GNAI2: variants seen among roughly 807,000 people sequenced by gnomAD.
GNAI2 encodes the protein G protein subunit alpha i2, also known as guanine nucleotide-binding protein G(i) subunit alpha-2.
Under a neutral mutation model 36.8 loss-of-function variants are expected in GNAI2, and 4 were observed. That is an observed-to-expected ratio of 0.11 (90% CI 0.05 to 0.25). The LOEUF is 0.25. Among genes scored for constraint, GNAI2 ranks in the 10% least tolerant of loss-of-function variants. The pLI is 1.00. For synonymous variants in GNAI2, 194 were observed against 194.1 expected, an observed-to-expected ratio of 1.00 and a Z score of 0.01; for missense variants, 230 against 481.3, an observed-to-expected ratio of 0.48 and a Z score of 4.89.
rs1700163120 is a variant in GNAI2 at position 50,236,234 on chromosome 3, C to T, written c.-102C>T. 5.0e-6 allele frequency: 6 copies of T among 1,192,900 alleles called. No individual in the cohort carries two copies. The highest frequency in any genetic ancestry group is 4.1e-5 in the South Asian group (1 of 24,594). The allele number at this position is 1,192,900 out of a possible 1,614,324, so 73.9% of individuals were successfully genotyped here. A position where few individuals can be genotyped will look rare whatever the true frequency, so the allele number is the denominator to read the frequency against. On this transcript the variant is annotated 5_prime_UTR_variant, in exon 1 of 9. Coordinates refer to ENST00000313601, the MANE Select transcript of GNAI2 (RefSeq NM_002070.4). The surrounding 1 kb of genome is among the most constrained non-coding windows in gnomAD (Gnocchi z 4.0). ...CTCGGAACTGCCGACCCGAGTGCTT[C>T]CCGCAGAGGGCTGGTGGTGGGAGCG...
intron 1 of GNAI2, among the ~76,000 whole-genome samples, chr3:50,247,661 A>G (rs1700454788): frequency 6.6e-6 from 1 of 152,236 alleles, no homozygotes; most frequent in African/African-American, 2.4e-5. Flanking sequence ...CAGATGTTCT[A>G]GTGCAGAGCA....
rs1700324060 is a variant in GNAI2, at chr3:50,242,699, G to A, written c.118+6246G>A. Among the ~76,000 whole-genome samples, 1 of 152,168 alleles carries A rather than the reference G, an allele frequency of 6.6e-6. No individual in the cohort carries two copies. The highest frequency in any genetic ancestry group is 2.1e-4 in the South Asian group (1 of 4,830). On this transcript the variant is annotated intron_variant, in intron 1 of 8. Coordinates refer to ENST00000313601, the MANE Select transcript of GNAI2 (RefSeq NM_002070.4). The surrounding 1 kb of genome is among the most constrained non-coding windows in gnomAD (Gnocchi z 4.8). The stretch of plus-strand genomic sequence containing the variant: ...ATCTTTCTGGAATAACCAAACATTT[G>A]CTGGGCTGGTTCTTCTGTGCCGGCC...
chr3:50,253,313 C>A lies in GNAI2; in HGVS notation c.464+129C>A, dbSNP rs1219004699. 9.1e-6 allele frequency: 6 copies of A among 657,718 alleles called. No individual in the cohort carries two copies. The highest frequency in any genetic ancestry group is 1.8e-5 in the African/African-American group (1 of 55,202). The allele number at this position is 657,718 out of a possible 1,614,324, so 40.7% of individuals were successfully genotyped here. On this transcript the variant is annotated intron_variant, in intron 4 of 8. Coordinates refer to ENST00000313601, the MANE Select transcript of GNAI2 (RefSeq NM_002070.4). The surrounding 1 kb of genome is among the most constrained non-coding windows in gnomAD (Gnocchi z 4.2). ...GCTTATGAAACCGATGACTGTTAAC[C>A]AAGGCCTTCCTGTTTTTTGGTTTGG...
intron 1 of GNAI2, among the ~76,000 whole-genome samples, chr3:50,249,010 G>A (rs1409813123): frequency 6.6e-6 from 1 of 152,048 alleles, no homozygotes; most frequent in Non-Finnish European, 1.5e-5. Context: ...ACTAAGAGTG[G>A]GCAAAAGGCC....
At chr3:50,232,785 G>C (rs1700091529), upstream of GNAI2, among the ~76,000 whole-genome samples, 1 of 152,080 alleles carries the variant, frequency 6.6e-6, no homozygotes, top group Non-Finnish European at 1.5e-5. Flanking sequence ...TAGGCTGGGA[G>C]ATAGTGGGGA....
At chr3:50,237,648 C>G (rs1700207363) in intron 1 of GNAI2, among the ~76,000 whole-genome samples, 1 of 152,142 alleles carries the variant, frequency 6.6e-6, no homozygotes, top group African/African-American at 2.4e-5. Context: ...GCCAGGGTGC[C>G]TCTGAGCATC....
chr3:50,257,791 T>TGGGTGGGGGGGGG, intron 8 of GNAI2, 77 bp downstream of exon 8: 1 of 99,318 alleles, frequency 1.0e-5, no homozygotes. Context: ...GTTCTGGGGG[T>TGGGTGGGGGGGGG]GGGTAGGGGG....
At chr3:50,257,151 G>A in intron 7 of GNAI2, 61 bp downstream of exon 7, 1 of 1,493,632 alleles carries the variant, frequency 6.7e-7, no homozygotes. Context: ...GTAGCCTATG[G>A]TGACCAGGTG....
chr3:50,237,649 T>C (rs756450446), intron 1 of GNAI2, among the ~76,000 whole-genome samples: 1 of 152,094 alleles, frequency 6.6e-6, no homozygotes, highest in Non-Finnish European at 1.5e-5. Flanking sequence ...CCAGGGTGCC[T>C]CTGAGCATCC....
At chr3:50,246,921 TGCTGAGTCCCA>T (rs1700437944) in intron 1 of GNAI2, 4 of 1,460,016 alleles carry the variant, frequency 2.7e-6, no homozygotes, top group Middle Eastern at 1.8e-4. Flanking sequence ...TCCCAGGTTA[TGCTGAGTCCCA>T]GCAGGGAACC....
At chr3:50,249,107 C>A (rs952151598) in intron 1 of GNAI2, among the ~76,000 whole-genome samples, 1 of 152,200 alleles carries the variant, frequency 6.6e-6, no homozygotes, top group Non-Finnish European at 1.5e-5. Flanking sequence ...GATGGGGAAG[C>A]TTTCACCCTA....
intron 7 of GNAI2, 116 bp from the exon 8 acceptor site, chr3:50,257,384 A>G (rs1434617090): frequency 3.0e-6 from 2 of 676,730 alleles, no homozygotes; most frequent in Non-Finnish European, 5.1e-6. Flanking sequence ...CATATTATGC[A>G]CATGCATGCA....
rs1700595644 is a variant in GNAI2 at position 50,252,819 on chromosome 3, G to A, written c.304-205G>A. 1.3e-5 allele frequency among the ~76,000 whole-genome samples: 2 copies of A among 152,156 alleles called. No homozygotes were observed. The highest frequency in any genetic ancestry group is 2.9e-5 in the Non-Finnish European group (2 of 68,026). On this transcript the variant is annotated intron_variant, in intron 3 of 8. Coordinates refer to ENST00000313601, the MANE Select transcript of GNAI2 (RefSeq NM_002070.4). This position sits in a 1 kb window ranked among gnomAD's most constrained non-coding sequence, Gnocchi z 4.1. ...GCAGAGGATGCAGTGAGCCAAGATCGCCCCATTGCACTCTAGCCTTGGTGA... is the reference window on the plus strand; with the variant it reads ...GCAGAGGATGCAGTGAGCCAAGATCACCCCATTGCACTCTAGCCTTGGTGA...
chr3:50,239,170 T>G (rs1303422403), intron 1 of GNAI2, among the ~76,000 whole-genome samples: 2 of 152,114 alleles, frequency 1.3e-5, no homozygotes, highest in African/African-American at 4.8e-5. Context: ...CCAGAGTGTA[T>G]GTGAGGGGGG....
At chr3:50,244,738 C>T (rs1553701513) in intron 1 of GNAI2, among the ~76,000 whole-genome samples, 1 of 152,198 alleles carries the variant, frequency 6.6e-6, no homozygotes, top group Non-Finnish European at 1.5e-5. Flanking sequence ...GCCTTGCCCT[C>T]TCTTGTAGGG....
chr3:50,235,027 A>T (rs1172230746), upstream of GNAI2, among the ~76,000 whole-genome samples: 1 of 152,222 alleles, frequency 6.6e-6, no homozygotes, highest in Non-Finnish European at 1.5e-5. Flanking sequence ...TGGAAGAGAC[A>T]GGTCATAAGA....
upstream of GNAI2, among the ~76,000 whole-genome samples, chr3:50,232,690 G>C (rs1454991421): frequency 2.6e-5 from 4 of 152,196 alleles, no homozygotes; most frequent in African/African-American, 9.7e-5. Flanking sequence ...GGGGTGATGT[G>C]ATTTCTTTCA....
intron 1 of GNAI2, among the ~76,000 whole-genome samples, chr3:50,250,424 G>A (rs1207418741): frequency 6.6e-6 from 1 of 152,200 alleles, no homozygotes; most frequent in Non-Finnish European, 1.5e-5. Flanking sequence ...GAACAAACGT[G>A]CCACAGTGAT....
At chr3:50,256,455 C>G in intron 5 of GNAI2, 135 bp downstream of exon 5, 1 of 836,486 alleles carries the variant, frequency 1.2e-6, no homozygotes, top group South Asian at 1.5e-5. Flanking sequence ...AGCACATCCT[C>G]ACCACCTAGT....
Sources: allele counts gnomAD v4.1 joint callset (sites outside exome capture counted in the v4.1 genomes callset), GRCh38; gene constraint gnomAD v4.1.1; non-coding constraint Gnocchi (gnomAD v3.1); transcripts MANE v1.5; gene names NCBI Gene and HGNC (gene_info 2026-07-23, HGNC 2026-07-21).